Variants in KPNA2 observed in about 807,000 individuals in gnomAD.
KPNA2 encodes the protein karyopherin subunit alpha 2.
A neutral mutation model predicts 53.7 loss-of-function variants in KPNA2; 20 were observed. That is an observed-to-expected ratio of 0.37 (90% CI 0.26 to 0.54). KPNA2 has a LOEUF of 0.54. Among genes scored for constraint, KPNA2 ranks in the 20% least tolerant of loss-of-function variants. KPNA2 has a pLI of 0.83. For missense variants in KPNA2, 515 were observed against 640.3 expected (o/e 0.80, Z 2.11); for synonymous variants, 238 against 227.5 (o/e 1.05, Z -0.42).
intron 3 of KPNA2, among the ~76,000 whole-genome samples, chr17:68,039,086 G>A (rs1226514195): frequency 6.6e-6 from 1 of 151,984 alleles, no homozygotes; most frequent in Non-Finnish European, 1.5e-5. Context: ...TCTTTCATCT[G>A]GGCCCTTTCC....
rs369127863 is a variant in KPNA2 at position 68,037,098 on chromosome 17, C to G, written c.-23-12C>G. The stretch of plus-strand genomic sequence containing the variant: ...GATAAAGGAAATATTTTTCTCTTCC[C>G]CCATCTTTTAGCTTTCTCCCTTTGT... On this transcript the variant is annotated splice_polypyrimidine_tract_variant and intron_variant, in intron 1 of 10. Coordinates refer to ENST00000330459, the MANE Select transcript of KPNA2 (RefSeq NM_002266.4). 6.6e-7 allele frequency: 1 copy of G among 1,503,870 alleles called. No individual in the cohort carries two copies. The highest frequency in any genetic ancestry group is 9.2e-7 in the Non-Finnish European group (1 of 1,084,890). The allele number at this position is 1,503,870 out of a possible 1,614,324, so 93.2% of individuals were successfully genotyped here.
At chr17:68,037,932 G>A (rs782363374) in intron 3 of KPNA2, among the ~76,000 whole-genome samples, 4 of 151,960 alleles carry the variant, frequency 2.6e-5, no homozygotes, top group Non-Finnish European at 5.9e-5. Flanking sequence ...CTGAGTAGCT[G>A]GGATTATGGG....
intron 4 of KPNA2, among the ~76,000 whole-genome samples, chr17:68,041,664 TGCAGTG>T (rs2071261920): frequency 1.3e-5 from 2 of 152,192 alleles, no homozygotes; most frequent in Admixed American, 1.3e-4. Context: ...AGGTCGAGGC[TGCAGTG>T]AGCTGTGATC....
intron 8 of KPNA2, 69 bp from the exon 9 acceptor site, chr17:68,044,252 G>C (rs2071301851): frequency 1.4e-6 from 2 of 1,471,956 alleles, no homozygotes; most frequent in South Asian, 2.5e-5. Flanking sequence ...TTGTTTTTGT[G>C]AAAAAGTACT....
At chr17:68,044,611 G>A (rs2071306993) in intron 9 of KPNA2, 108 bp downstream of exon 9, 7 of 823,728 alleles carry the variant, frequency 8.5e-6, no homozygotes, top group Admixed American at 2.3e-5. Context: ...GTAAGCCACA[G>A]AATCAGAAAG....
At position 68,037,433 on chromosome 17, in the gene KPNA2, A is replaced by T; in HGVS notation, c.151A>T (p.Arg51Ter). 1.2e-6 allele frequency: 2 copies of T among 1,613,984 alleles called. No individual in the cohort carries two copies. Among genetic ancestry groups the T allele is most frequent in the Non-Finnish European group, 1.7e-6 (2 of 1,179,850 alleles). Residue 51 changes from arginine (R) to a stop codon, truncating the protein, a stop_gained, in exon 3 of 11, where the codon AGA (arginine) becomes TGA (stop). Transcript: ENST00000330459. LOFTEE classifies it high-confidence loss of function. ...AKKDDQMLKR[R>*]NVSSFPDDAT... ...GAAGGATGACCAGATGCTGAAGAGG[A>T]GAAATGTAAGCTCATTTCCTGATGA...
intron 4 of KPNA2, 29 bp downstream of exon 4, chr17:68,040,795 G>T: frequency 7.3e-7 from 1 of 1,369,630 alleles, no homozygotes; most frequent in South Asian, 1.2e-5. Context: ...AGCATGGGTA[G>T]CCTAAGAAAT....
At chr17:68,042,440 G>A (rs62084697) in intron 5 of KPNA2, 87 bp downstream of exon 5, 310,252 of 1,384,466 alleles carry the variant, frequency 0.22, 40,962 homozygotes, top group East Asian at 0.68. Context: ...TAGTGACTTT[G>A]TCAAGTTTTG....
chr17:68,041,987 A>C, intron 4 of KPNA2, 98 bp from the exon 5 acceptor site: 3 of 1,028,406 alleles, frequency 2.9e-6, no homozygotes, highest in Non-Finnish European at 4.2e-6. Context: ...AGGTTGTCTG[A>C]AGTTCTAAAC....
At chr17:68,040,016 G>A (rs2071237054) in intron 3 of KPNA2, among the ~76,000 whole-genome samples, 1 of 151,948 alleles carries the variant, frequency 6.6e-6, no homozygotes, top group Non-Finnish European at 1.5e-5. Context: ...GGAGGCGGAG[G>A]TGGTGGTGAG....
intron 1 of KPNA2, chr17:68,036,272 A>T (rs555806063): frequency 6.6e-6 from 1 of 152,400 alleles, no homozygotes; most frequent in East Asian, 1.9e-4. Context: ...GAGCGTAATG[A>T]AAGCAAAGAT....
intron 3 of KPNA2, among the ~76,000 whole-genome samples, chr17:68,040,387 G>A (rs547831249): frequency 6.6e-6 from 1 of 150,986 alleles, no homozygotes; most frequent in African/African-American, 2.4e-5. Context: ...GAGCCACCAT[G>A]CCTGTCCTTC....
Position 68,042,322 on chromosome 17 carries a change from A to G in KPNA2, c.540A>G (p.Glu180=). The part of the protein sequence containing the change: ...LLASPHAHIS[E]QAVWALGNIA... ...CATCTCCCCATGCTCACATCAGTGA[A>G]CAAGCTGTCTGGGCTCTAGGAAACA... is the stretch of plus-strand genomic sequence containing the variant. The change falls in exon 5 of 11, where the codon GAA becomes GAG. Residue 180 remains glutamate (E), a synonymous_variant. Transcript: ENST00000330459. 6.2e-7 allele frequency: 1 copy of G among 1,614,194 alleles called. No homozygotes were observed. Among genetic ancestry groups the G allele is most frequent in the Non-Finnish European group, 8.5e-7 (1 of 1,180,018 alleles).
In KPNA2 at chr17:68,041,978, G is replaced by T. The variant is rs183396364; in HGVS notation, c.303-107G>T. 8.8e-6 allele frequency: 8 copies of T among 908,244 alleles called. No individual in the cohort carries two copies. The Admixed American group carries it at 2.2e-4, about 25-fold the overall frequency. 56.3% of individuals were successfully genotyped at this position (908,244 alleles called of 1,614,324 possible). ...TCAGCATTTAGTGATTTACTTAAAA[G>T]GTTGTCTGAAGTTCTAAACTCTTGA... On this transcript the variant is annotated intron_variant, in intron 4 of 10. Transcript: ENST00000330459.
At chr17:68,046,407 T>C in intron 10 of KPNA2, 97 bp from the exon 11 acceptor site, 2 of 705,520 alleles carry the variant, frequency 2.8e-6, no homozygotes, top group Non-Finnish European at 4.9e-6. Context: ...AGGTGTAATA[T>C]GCAGATCAAG....
At chr17:68,044,240 C>T (rs560025096) in intron 8 of KPNA2, 81 bp from the exon 9 acceptor site, 19 of 1,415,278 alleles carry the variant, frequency 1.3e-5, no homozygotes, top group Non-Finnish European at 1.7e-5. Context: ...TACTTTCAGT[C>T]ATTGTTTTTG....
chr17:68,043,002 A>T lies in KPNA2; in HGVS notation c.666+3A>T. 1 of 1,612,212 alleles carries T rather than the reference A, an allele frequency of 6.2e-7. No individual in the cohort carries two copies. The highest frequency in any genetic ancestry group is 8.5e-7 in the Non-Finnish European group (1 of 1,178,472). On this transcript the variant is annotated splice_donor_region_variant and intron_variant, in intron 6 of 10. Coordinates refer to ENST00000330459, the MANE Select transcript of KPNA2 (RefSeq NM_002266.4). ...TTCCTGATATGTCATCTTTAGCAGT[A>T]AGTTACTAACATGAGTAAAGTTACT... is the stretch of plus-strand genomic sequence containing the variant.
At chr17:68,036,684 G>T (rs550870645) in intron 1 of KPNA2, 1 of 182,484 alleles carries the variant, frequency 5.5e-6, no homozygotes, top group African/African-American at 2.4e-5. Context: ...TAAGCTTAAA[G>T]TACACAAAAG....
chr17:68,040,971 G>T (rs568260449), intron 4 of KPNA2, among the ~76,000 whole-genome samples: 1 of 152,334 alleles, frequency 6.6e-6, no homozygotes, highest in East Asian at 1.9e-4. Flanking sequence ...GGAATGCCTG[G>T]GTTCAAGCAG....
Sources: allele counts gnomAD v4.1 joint callset (sites outside exome capture counted in the v4.1 genomes callset), GRCh38; gene constraint gnomAD v4.1.1; transcripts MANE v1.5; gene names NCBI Gene and HGNC (gene_info 2026-07-23, HGNC 2026-07-21).